Variants in FRY observed in about 807,000 individuals in gnomAD.
FRY encodes the protein protein furry homolog.
Under a neutral mutation model 348.4 loss-of-function variants are expected in FRY, and 128 were observed. That is an observed-to-expected ratio of 0.37 (90% CI 0.32 to 0.43). The LOEUF is 0.43. Ranked by LOEUF, FRY falls within the 20% of genes least tolerant of loss-of-function variation. FRY has a pLI of 1.00. For missense variants in FRY, 2,736 were observed against 3,695.2 expected (o/e 0.74, Z 6.73); for synonymous variants, 1,370 against 1,374.7 (o/e 1.00, Z 0.08).
Position 32,224,987 on chromosome 13 carries a change from A to T in FRY, c.4971A>T (p.Arg1657=). ...MTEMVVDHSV[R]EDWALHLPLL... ...AAATGGTGGTGGATCACAGTGTACG[A>T]GAAGACTGGGCGCTTCATCTACCAT... Residue 1657 remains arginine (R), a synonymous_variant, in exon 38 of 61, where the codon CGA becomes CGT. Transcript: ENST00000542859. 2 of 1,612,338 alleles carry T rather than the reference A, an allele frequency of 1.2e-6. No homozygotes were observed. Among genetic ancestry groups the T allele is most frequent in the Non-Finnish European group, 1.7e-6 (2 of 1,178,366 alleles).
chr13:32,246,439 AATGT>A (rs1173866429), intron 47 of FRY, among the ~76,000 whole-genome samples: 3 of 152,184 alleles, frequency 2.0e-5, no homozygotes, highest in African/African-American at 7.2e-5. Context: ...AAGGAGGGGA[AATGT>A]ATTCAAGGAT....
intron 35 of FRY, among the ~76,000 whole-genome samples, chr13:32,214,541 C>A (rs1478627597): frequency 6.6e-6 from 1 of 152,130 alleles, no homozygotes; most frequent in African/African-American, 2.4e-5. Context: ...AGATTGGACA[C>A]CCGCGTCTTA....
intron 21 of FRY, 124 bp from the exon 22 acceptor site, chr13:32,178,720 G>GA: frequency 4.0e-6 from 3 of 757,932 alleles, no homozygotes; most frequent in Non-Finnish European, 6.9e-6. Context: ...GATACTCTTT[G>GA]AATAACATTC....
intron 16 of FRY, 123 bp downstream of exon 16, chr13:32,157,528 G>T (rs1555259489): frequency 1.3e-6 from 1 of 754,226 alleles, no homozygotes; most frequent in Non-Finnish European, 2.0e-6. Flanking sequence ...AGTAAAGATA[G>T]TTAAAAAAAA....
At chr13:32,185,195 A>G (rs1882957434) in intron 26 of FRY, 47 bp downstream of exon 26, 1 of 1,546,822 alleles carries the variant, frequency 6.5e-7, no homozygotes, top group East Asian at 2.2e-5. Context: ...TTGGAAGCCC[A>G]TTCGTGTTCT....
At position 32,086,252 on chromosome 13, in the gene FRY, C is replaced by T. The variant is rs139332349; in HGVS notation, c.270+7219C>T. On this transcript the variant is annotated intron_variant, in intron 2 of 60. Transcript: ENST00000542859. Reference sequence around the variant, plus strand: ...ATCACACTTCTTAGGCTTTTGTCCACGCCCCTCCCTATAACTTGACCAATA... The same window carrying T: ...ATCACACTTCTTAGGCTTTTGTCCATGCCCCTCCCTATAACTTGACCAATA... 1.7e-3 allele frequency among the ~76,000 whole-genome samples: 255 copies of T among 152,306 alleles called. 2 individuals carry two copies. The highest frequency in any genetic ancestry group is 3.0e-3 in the Non-Finnish European group (206 of 68,032).
At chr13:32,051,115 C>T (rs368168475) in intron 1 of FRY, among the ~76,000 whole-genome samples, 188 of 152,256 alleles carry the variant, frequency 1.2e-3, no homozygotes, top group Middle Eastern at 3.4e-3. Context: ...CATGTAGATA[C>T]ATACTTAATT....
At chr13:32,190,444 A>T (rs1274182466) in intron 28 of FRY, among the ~76,000 whole-genome samples, 3 of 152,164 alleles carry the variant, frequency 2.0e-5, no homozygotes, top group Non-Finnish European at 2.9e-5. Flanking sequence ...TGTTGGAATT[A>T]ATCAGTGAAT....
intron 1 of FRY, among the ~76,000 whole-genome samples, chr13:32,043,135 G>A (rs1872829436): frequency 6.6e-6 from 1 of 152,192 alleles, no homozygotes; most frequent in Non-Finnish European, 1.5e-5. Context: ...CGGCAAGAGA[G>A]AGAATGAGAG....
chr13:32,184,666 G>C lies in FRY; in HGVS notation c.3121G>C (p.Ala1041Pro). 1 of 1,609,210 alleles carries C rather than the reference G, an allele frequency of 6.2e-7. No homozygotes were observed. Among genetic ancestry groups the C allele is most frequent in the Non-Finnish European group, 8.5e-7 (1 of 1,175,524 alleles). Reference sequence around the variant, plus strand: ...ACTACTTCGAATTTTTGAACTTTTGGCTGATGCTGGTGTAATAAGTGACAG... The same window carrying C: ...ACTACTTCGAATTTTTGAACTTTTGCCTGATGCTGGTGTAATAAGTGACAG... ...LQLLRIFELL[A>P]DAGVISDSTN... The change falls in exon 25 of 61, where the codon GCT becomes CCT. Residue 1041 changes from alanine (A) to proline (P), a missense_variant. Transcript: ENST00000542859.
intron 46 of FRY, among the ~76,000 whole-genome samples, chr13:32,243,299 A>G (rs1216443351): frequency 1.3e-5 from 2 of 152,200 alleles, no homozygotes; most frequent in African/African-American, 4.8e-5. Context: ...TAACTTATAT[A>G]TCCATTTCCC....
intron 31 of FRY, among the ~76,000 whole-genome samples, chr13:32,203,469 T>TGGAG (rs1258848573): frequency 6.6e-6 from 1 of 152,152 alleles, no homozygotes; most frequent in Admixed American, 6.5e-5. Context: ...CTCACACCCG[T>TGGAG]AATCCCAACA....
At position 32,173,680 on chromosome 13, in the gene FRY, G is replaced by A. The variant is rs1029478633; in HGVS notation, c.2334+131G>A. ...ACATGTAGTGTTTCATTCATTGTTA[G>A]GTTTTAAACTATTGTAATAACATTC... is the stretch of plus-strand genomic sequence containing the variant. On this transcript the variant is annotated intron_variant, in intron 19 of 60. Coordinates refer to ENST00000542859, the MANE Select transcript of FRY (RefSeq NM_023037.3). 5.3e-6 allele frequency: 4 copies of A among 748,590 alleles called. No individual in the cohort carries two copies. In the African/African-American group the frequency reaches 7.0e-5, roughly 13 times the overall value. The allele number at this position is 748,590 out of a possible 1,614,324, so 46.4% of individuals were successfully genotyped here. A position where few individuals can be genotyped will look rare whatever the true frequency, so the allele number is the denominator to read the frequency against.
chr13:32,160,999 A>G (rs1881412089), intron 16 of FRY, 145 bp from the exon 17 acceptor site: 1 of 665,344 alleles, frequency 1.5e-6, no homozygotes, highest in South Asian at 1.7e-5. Flanking sequence ...TACAAAGGGC[A>G]TAAACATTTG....
At chr13:32,287,411 G>A (rs546493064) in intron 58 of FRY, among the ~76,000 whole-genome samples, 1 of 152,326 alleles carries the variant, frequency 6.6e-6, no homozygotes, top group South Asian at 2.1e-4. Flanking sequence ...TAGCAGACAT[G>A]AAACTGAACA....
intron 39 of FRY, among the ~76,000 whole-genome samples, chr13:32,226,349 A>C (rs1006567288): frequency 9.9e-5 from 15 of 152,190 alleles, no homozygotes; most frequent in Non-Finnish European, 1.6e-4. Context: ...GTCACAGCCA[A>C]GGTGCCGGAT....
intron 1 of FRY, among the ~76,000 whole-genome samples, chr13:32,067,973 A>G (rs1400263458): frequency 1.3e-5 from 2 of 152,106 alleles, no homozygotes; most frequent in Non-Finnish European, 1.5e-5. Context: ...GTGTGGTCCC[A>G]GGGCAGCAGC....
At chr13:32,197,061 T>A (rs1385782710) in intron 29 of FRY, among the ~76,000 whole-genome samples, 2 of 152,220 alleles carry the variant, frequency 1.3e-5, no homozygotes, top group Non-Finnish European at 2.9e-5. Flanking sequence ...TCTCCTCACA[T>A]TTTAATTAAA....
intron 13 of FRY, 47 bp downstream of exon 13, chr13:32,147,994 G>A: frequency 9.6e-7 from 1 of 1,038,488 alleles, no homozygotes; most frequent in Non-Finnish European, 1.5e-6. Flanking sequence ...TGGTTTTTCA[G>A]CAGCCAGCCT....
Sources: gnomAD v4.1 joint callset for allele counts (sites outside exome capture counted in the v4.1 genomes callset) on GRCh38, gnomAD v4.1.1 for gene constraint, MANE v1.5 for transcripts, NCBI Gene and HGNC (gene_info 2026-07-23, HGNC 2026-07-21) for gene names.